FHIP1A: variants seen among roughly 807,000 people sequenced by gnomAD.
FHIP1A encodes the protein FHF complex subunit HOOK-interacting protein 1A.
Under a neutral mutation model 88.6 loss-of-function variants are expected in FHIP1A, and 61 were observed. The ratio of observed to expected loss-of-function variants is 0.69; its 90% CI spans 0.56 to 0.85. The LOEUF (loss-of-function observed/expected upper bound fraction) is 0.85, where lower values mean the gene tolerates loss of function less well. FHIP1A is among the 40% of genes least tolerant of loss of function. FHIP1A has a pLI of 0.00. For missense variants in FHIP1A, 1,154 were observed against 1,273.5 expected (o/e 0.91, Z 1.43); for synonymous variants, 478 against 496.0 (o/e 0.96, Z 0.48).
At chr4:151,446,377 A>T (rs1728600033) in intron 1 of FHIP1A, among the ~76,000 whole-genome samples, 1 of 151,506 alleles carries the variant, frequency 6.6e-6, no homozygotes, top group South Asian at 2.1e-4. Context: ...CCTCTTTTAG[A>T]TTGGTGGATG....
intron 11 of FHIP1A, among the ~76,000 whole-genome samples, chr4:151,652,413 C>T (rs1737063594): frequency 6.6e-6 from 1 of 152,172 alleles, no homozygotes; most frequent in Non-Finnish European, 1.5e-5. Flanking sequence ...CTTCTTCTCT[C>T]CAGGGCATCT....
At chr4:151,499,056 A>T (rs1730560002) in intron 3 of FHIP1A, among the ~76,000 whole-genome samples, 1 of 152,196 alleles carries the variant, frequency 6.6e-6, no homozygotes, top group South Asian at 2.1e-4. Context: ...TCTCATTTAG[A>T]GGTGTGGTTG....
chr4:151,505,290 T>A (rs1394733598), intron 3 of FHIP1A, among the ~76,000 whole-genome samples: 1 of 152,142 alleles, frequency 6.6e-6, no homozygotes, highest in African/African-American at 2.4e-5. Context: ...TTCGTGATGA[T>A]GAATAGAAGA....
intron 10 of FHIP1A, among the ~76,000 whole-genome samples, chr4:151,649,104 G>A (rs1403188531): frequency 6.6e-6 from 1 of 152,164 alleles, no homozygotes; most frequent in Non-Finnish European, 1.5e-5. Flanking sequence ...TTATTACTCT[G>A]TGGCAGGTAC....
At chr4:151,616,444 C>CTTTTTTT (rs763599410) in intron 7 of FHIP1A, among the ~76,000 whole-genome samples, 15 of 113,384 alleles carry the variant, frequency 1.3e-4, no homozygotes, top group East Asian at 2.5e-4. Context: ...TTCTTTCTTT[C>CTTTTTTT]TTTTTTTTTT....
chr4:151,534,688 C>T (rs960062066), intron 3 of FHIP1A: 1 of 152,032 alleles, frequency 6.6e-6, no homozygotes, highest in African/African-American at 2.4e-5. Flanking sequence ...ATTTTTTCCC[C>T]CAAAAGTGAA....
intron 3 of FHIP1A, among the ~76,000 whole-genome samples, chr4:151,562,650 G>A (rs1733221215): frequency 6.6e-6 from 1 of 152,114 alleles, no homozygotes; most frequent in Non-Finnish European, 1.5e-5. Flanking sequence ...AAGAATTGAA[G>A]GATTGTATGA....
intron 8 of FHIP1A, among the ~76,000 whole-genome samples, chr4:151,633,615 T>C (rs935855205): frequency 6.6e-6 from 1 of 151,880 alleles, no homozygotes; most frequent in Non-Finnish European, 1.5e-5. Flanking sequence ...CATGACCAAG[T>C]GTGACTTATT....
At chr4:151,653,440 A>T (rs1053473679) in intron 11 of FHIP1A, among the ~76,000 whole-genome samples, 2 of 152,054 alleles carry the variant, frequency 1.3e-5, no homozygotes, top group Non-Finnish European at 2.9e-5. Flanking sequence ...GAGCACTGGA[A>T]CAGGTGGTAT....
At chr4:151,595,975 C>G (rs1734631771) in intron 7 of FHIP1A, among the ~76,000 whole-genome samples, 1 of 152,108 alleles carries the variant, frequency 6.6e-6, no homozygotes, top group Non-Finnish European at 1.5e-5. Flanking sequence ...TAACTCTATC[C>G]AATTTGCAAG....
At chr4:151,514,136 A>G (rs1207703252) in intron 3 of FHIP1A, among the ~76,000 whole-genome samples, 4 of 152,264 alleles carry the variant, frequency 2.6e-5, no homozygotes, top group African/African-American at 9.6e-5. Flanking sequence ...ATTAGAACTC[A>G]GGATTAAGAA....
intron 2 of FHIP1A, among the ~76,000 whole-genome samples, chr4:151,458,494 C>T (rs1166122644): frequency 6.6e-6 from 1 of 151,770 alleles, no homozygotes; most frequent in Non-Finnish European, 1.5e-5. Flanking sequence ...CTGTGAGGTG[C>T]AGAAGATGTG....
intron 2 of FHIP1A, among the ~76,000 whole-genome samples, chr4:151,458,067 T>C (rs752668508): frequency 1.1e-4 from 16 of 152,194 alleles, no homozygotes; most frequent in Non-Finnish European, 1.5e-5. Context: ...TGCTATCTTA[T>C]TCTGTCTTCA....
chr4:151,431,864 G>A (rs1196429930), intron 1 of FHIP1A, among the ~76,000 whole-genome samples: 1 of 152,166 alleles, frequency 6.6e-6, no homozygotes, highest in Non-Finnish European at 1.5e-5. Context: ...TGCTTTGTAT[G>A]GCAGGTTTAC....
intron 3 of FHIP1A, among the ~76,000 whole-genome samples, chr4:151,560,977 T>G (rs993299448): frequency 6.6e-6 from 1 of 152,190 alleles, no homozygotes; most frequent in Non-Finnish European, 1.5e-5. Context: ...TTGAATATTT[T>G]AATTTTTCTT....
chr4:151,507,284 T>C (rs1054673992), intron 3 of FHIP1A, among the ~76,000 whole-genome samples: 4 of 152,072 alleles, frequency 2.6e-5, no homozygotes, highest in Admixed American at 2.6e-4. Flanking sequence ...CCACCACACC[T>C]GGCTAATTTT....
In FHIP1A at chr4:151,451,823, C is replaced by CT. The variant is rs904784467; in HGVS notation, c.-355-2867dup. Among the ~76,000 whole-genome samples, 202 of 130,256 alleles carry CT rather than the reference C, an allele frequency of 1.6e-3. 1 individual carries two copies. In the East Asian group the frequency reaches 0.016, roughly 11 times the overall value. The allele number at this position is 130,256 out of a possible 152,430, so 85.5% of individuals were successfully genotyped here. A position where few individuals can be genotyped will look rare whatever the true frequency, so the allele number is the denominator to read the frequency against. On this transcript the variant is annotated intron_variant, in intron 1 of 13. Coordinates refer to ENST00000435205, the MANE Select transcript of FHIP1A (RefSeq NM_001109977.3). ...TTTTCTTTCTTTTTTTTCTTTCTTT[C>CT]TTTTTTTTTTTGAAACAGGGTTTTG...
chr4:151,425,853 T>C (rs1340254923), intron 1 of FHIP1A, among the ~76,000 whole-genome samples: 1 of 152,168 alleles, frequency 6.6e-6, no homozygotes, highest in Non-Finnish European at 1.5e-5. Context: ...TCTGCCTTGC[T>C]CTTATAAGGA....
chr4:151,576,496 G>A (rs1054321004), intron 4 of FHIP1A, among the ~76,000 whole-genome samples: 1 of 152,020 alleles, frequency 6.6e-6, no homozygotes, highest in Admixed American at 6.6e-5. Context: ...TAGAGATAGG[G>A]TCTCACTATT....
Sources: gnomAD v4.1 joint callset for allele counts (sites outside exome capture counted in the v4.1 genomes callset) on GRCh38, gnomAD v4.1.1 for gene constraint, MANE v1.5 for transcripts, NCBI Gene and HGNC (gene_info 2026-07-23, HGNC 2026-07-21) for gene names.